The following QKI variants were observed in gnomAD, a reference collection of about 807,000 sequenced individuals.
QKI encodes QKI, KH domain containing RNA binding, also known as KH domain-containing RNA-binding protein QKI.
QKI carries 10 observed loss-of-function variants against 39.0 expected under a neutral mutation model. The observed-to-expected ratio is 0.26, with a 90% CI of 0.16 to 0.43. QKI has a LOEUF of 0.43. QKI is among the 20% of genes least tolerant of loss of function. The pLI, the probability that QKI is intolerant of heterozygous loss-of-function variation, is 1.00. For missense variants in QKI, 218 were observed against 428.0 expected (o/e 0.51, Z 4.33); for synonymous variants, 204 against 155.4 (o/e 1.31, Z -2.33).
chr6:163,493,109 C>T (rs1043739445), intron 3 of QKI, among the ~76,000 whole-genome samples: 1 of 149,820 alleles, frequency 6.7e-6, no homozygotes, highest in East Asian at 2.0e-4. Flanking sequence ...AAGTATATTA[C>T]GTACTAAAAA....
intron 3 of QKI, among the ~76,000 whole-genome samples, chr6:163,505,899 C>T (rs1283221283): frequency 8.5e-5 from 13 of 152,052 alleles, no homozygotes; most frequent in Non-Finnish European, 1.5e-4. Context: ...CTCTGTGTCT[C>T]CACCCAAATC....
In QKI at chr6:163,445,895, T is replaced by A. The variant is rs112967218; in HGVS notation, c.143-9384T>A. Among the ~76,000 whole-genome samples the A allele has an allele frequency of 6.4e-3, 969 of 152,354 alleles. 8 individuals are homozygous for A. Among genetic ancestry groups the A allele is most frequent in the African/African-American group, 0.022 (914 of 41,592 alleles). ...TCCCAAAGTGCTGGGATTACAGGCGTGAGCCATCGAGCCCGACCGTTGTGG... is the reference window on the plus strand; with the variant it reads ...TCCCAAAGTGCTGGGATTACAGGCGAGAGCCATCGAGCCCGACCGTTGTGG... On this transcript the variant is annotated intron_variant, in intron 1 of 7. Coordinates refer to ENST00000361752, the MANE Select transcript of QKI (RefSeq NM_006775.3).
intron 3 of QKI, among the ~76,000 whole-genome samples, chr6:163,493,361 C>G (rs1778188716): frequency 1.3e-5 from 2 of 152,132 alleles, no homozygotes; most frequent in Non-Finnish European, 1.5e-5. Flanking sequence ...AACTCCTGAA[C>G]TCAGGTGATC....
chr6:163,425,071 T>G (rs1216435845), intron 1 of QKI, among the ~76,000 whole-genome samples: 1 of 152,208 alleles, frequency 6.6e-6, no homozygotes, highest in Admixed American at 6.5e-5. Flanking sequence ...TTTATGTGCA[T>G]GAGAGTCACT....
intron 1 of QKI, among the ~76,000 whole-genome samples, chr6:163,451,840 A>G (rs1790585703): frequency 1.3e-5 from 2 of 152,176 alleles, no homozygotes; most frequent in South Asian, 2.1e-4. Flanking sequence ...CTGTGAAGCT[A>G]TTACTTACAA....
chr6:163,498,697 G>A (rs780976142), intron 3 of QKI, among the ~76,000 whole-genome samples: 36 of 151,926 alleles, frequency 2.4e-4, no homozygotes, highest in Non-Finnish European at 4.1e-4. Flanking sequence ...CTAGTTTTTA[G>A]AAATAATTTT....
At chr6:163,524,723 TC>T (rs941126238) in intron 3 of QKI, among the ~76,000 whole-genome samples, 2 of 152,180 alleles carry the variant, frequency 1.3e-5, no homozygotes, top group Non-Finnish European at 2.9e-5. Context: ...TGCCCCGGCC[TC>T]CCAAAGTGCT....
intron 4 of QKI, among the ~76,000 whole-genome samples, chr6:163,558,064 G>C (rs1782749417): frequency 6.6e-6 from 1 of 152,194 alleles, no homozygotes; most frequent in Non-Finnish European, 1.5e-5. Flanking sequence ...TCCCGATCAA[G>C]GTTCTGCAGG....
chr6:163,507,274 C>A (rs577172465), intron 3 of QKI, among the ~76,000 whole-genome samples: 16 of 152,062 alleles, frequency 1.1e-4, no homozygotes. Flanking sequence ...TTTGAACTGC[C>A]AAAATAAGAA....
Position 163,573,752 on chromosome 6 carries a change from A to G in QKI, c.*3042A>G, listed in dbSNP as rs758377167. ...AATTCTTTGGTTCTTTGCTGTTTCT[A>G]TTAACCCACAGCATTATTTTAATAA... is the stretch of plus-strand genomic sequence containing the variant. On this transcript the variant is annotated 3_prime_UTR_variant, in exon 8 of 8. Transcript: ENST00000361752. 3.9e-5 allele frequency: 6 copies of G among 152,190 alleles called. No individual in the cohort carries two copies. The highest frequency in any genetic ancestry group is 1.3e-4 in the Admixed American group (2 of 15,270). 9.4% of individuals were successfully genotyped at this position (152,190 alleles called of 1,614,324 possible).
intron 4 of QKI, among the ~76,000 whole-genome samples, chr6:163,549,253 A>G (rs1366214823): frequency 2.0e-5 from 3 of 152,092 alleles, no homozygotes; most frequent in Non-Finnish European, 2.9e-5. Flanking sequence ...AGCAGAGCCA[A>G]TGTCTCATTT....
chr6:163,432,713 G>A (rs1448286086), intron 1 of QKI, among the ~76,000 whole-genome samples: 4 of 151,490 alleles, frequency 2.6e-5, no homozygotes. Context: ...TCCCCACTTT[G>A]TTATAGATCT....
In QKI at chr6:163,570,878, T is replaced by C. The variant is rs901916220; in HGVS notation, c.*168T>C. On this transcript the variant is annotated 3_prime_UTR_variant, in exon 8 of 8. Transcript: ENST00000361752. ...AACCAAACAAAAGACAAAGAAATTGTTGTCCTCCAACTCAGCTTTTTTTTT... is the reference window on the plus strand; with the variant it reads ...AACCAAACAAAAGACAAAGAAATTGCTGTCCTCCAACTCAGCTTTTTTTTT... 23 of 974,064 alleles carry C rather than the reference T, an allele frequency of 2.4e-5. No individual in the cohort carries two copies. In the African/African-American group the frequency reaches 2.9e-4, roughly 12 times the overall value. 60.3% of individuals were successfully genotyped at this position (974,064 alleles called of 1,614,324 possible).
intron 1 of QKI, among the ~76,000 whole-genome samples, chr6:163,418,877 T>A (rs1438440500): frequency 2.0e-5 from 3 of 152,136 alleles, no homozygotes; most frequent in African/African-American, 7.2e-5. Flanking sequence ...CAATCCTGTA[T>A]TAGGGGAAAA....
intron 3 of QKI, among the ~76,000 whole-genome samples, chr6:163,521,858 T>C (rs1780183049): frequency 6.6e-6 from 1 of 152,158 alleles, no homozygotes; most frequent in African/African-American, 2.4e-5. Flanking sequence ...GATTAATTGC[T>C]AATTTATTTT....
intron 1 of QKI, among the ~76,000 whole-genome samples, chr6:163,434,760 TA>T (rs948733914): frequency 3.3e-5 from 5 of 151,946 alleles, no homozygotes; most frequent in African/African-American, 1.2e-4. Flanking sequence ...AGATAATCTT[TA>T]AAAAAATTAA....
At chr6:163,566,899 A>G (rs1362202638) in intron 7 of QKI, 104 bp downstream of exon 7, 3 of 1,491,372 alleles carry the variant, frequency 2.0e-6, no homozygotes, top group African/African-American at 1.4e-5. Context: ...ACCTGCACAC[A>G]GTTTTTTTTC....
At chr6:163,465,577 T>A (rs1038787417) in intron 2 of QKI, among the ~76,000 whole-genome samples, 4 of 145,840 alleles carry the variant, frequency 2.7e-5, no homozygotes, top group African/African-American at 1.0e-4. Context: ...CGCAGTGAGC[T>A]GAGATTGCAC....
In QKI at chr6:163,578,420, C is replaced by T. The variant is rs1664363632; in HGVS notation, c.*7710C>T. 1 of 152,142 alleles carries T rather than the reference C, an allele frequency of 6.6e-6. No individual in the cohort carries two copies. The highest frequency in any genetic ancestry group is 1.5e-5 in the Non-Finnish European group (1 of 68,028). The allele number at this position is 152,142 out of a possible 1,614,324, so 9.4% of individuals were successfully genotyped here. A position where few individuals can be genotyped will look rare whatever the true frequency, so the allele number is the denominator to read the frequency against. ...TTGAAACCTGAATTTTAGTGCTTCC[C>T]TTATTACATTCATTGTTTTCAATGA... On this transcript the variant is annotated 3_prime_UTR_variant, in exon 8 of 8. Transcript: ENST00000361752.
Sources: allele counts gnomAD v4.1 joint callset (sites outside exome capture counted in the v4.1 genomes callset), GRCh38; gene constraint gnomAD v4.1.1; transcripts MANE v1.5; gene names NCBI Gene and HGNC (gene_info 2026-07-23, HGNC 2026-07-21).